The following TMCC1 variants were observed in gnomAD, a reference collection of about 807,000 sequenced individuals.
TMCC1 encodes the protein transmembrane and coiled-coil domains protein 1.
Under a neutral mutation model 52.4 loss-of-function variants are expected in TMCC1, and 15 were observed. The observed-to-expected ratio is 0.29, with a 90% CI of 0.19 to 0.44. TMCC1 has a LOEUF of 0.44. TMCC1 is among the 20% of genes least tolerant of loss of function. The pLI, the probability that TMCC1 is intolerant of heterozygous loss-of-function variation, is 1.00. For missense variants in TMCC1, 503 were observed against 806.0 expected (o/e 0.62, Z 4.55); for synonymous variants, 279 against 301.9 (o/e 0.92, Z 0.79).
intron 4 of TMCC1, among the ~76,000 whole-genome samples, chr3:129,741,435 AT>A (rs2051449240): frequency 1.3e-5 from 2 of 152,158 alleles, no homozygotes; most frequent in African/African-American, 4.8e-5. Flanking sequence ...AGTCCTGCAT[AT>A]GTTAGAGCCT....
intron 4 of TMCC1, among the ~76,000 whole-genome samples, chr3:129,744,372 T>G (rs1037870812): frequency 4.0e-5 from 6 of 151,832 alleles, no homozygotes; most frequent in Admixed American, 1.3e-4. Context: ...AGGCTGGTCT[T>G]GAACTCCTGG....
At chr3:129,673,617 A>G (rs1281545810) in intron 4 of TMCC1, among the ~76,000 whole-genome samples, 1 of 152,166 alleles carries the variant, frequency 6.6e-6, no homozygotes, top group African/African-American at 2.4e-5. Context: ...TTGGGAGGCC[A>G]AGGCGGGAGG....
At chr3:129,873,373 GAA>G (rs746434981) in intron 2 of TMCC1, among the ~76,000 whole-genome samples, 1 of 127,094 alleles carries the variant, frequency 7.9e-6, no homozygotes, top group Non-Finnish European at 1.7e-5. Context: ...CTATGCAGCT[GAA>G]AAAAAAAAAA....
rs558507808 is a variant in TMCC1 at position 129,845,868 on chromosome 3, C to T, written c.-183-13042G>A. On this transcript the variant is annotated intron_variant, in intron 2 of 6. Coordinates refer to ENST00000393238, the MANE Select transcript of TMCC1 (RefSeq NM_001017395.5). ...GCAACACAGGGAGACCCTGTCTCTA[C>T]AAAAAAAAATTTTTAAGTGGCCAGA... Among the ~76,000 whole-genome samples, 10 of 151,276 alleles carry T rather than the reference C, an allele frequency of 6.6e-5. No individual in the cohort carries two copies. The South Asian group carries it at 2.1e-3, about 32-fold the overall frequency.
intron 4 of TMCC1, among the ~76,000 whole-genome samples, chr3:129,802,229 C>G (rs1371341711): frequency 6.6e-6 from 1 of 152,202 alleles, no homozygotes; most frequent in Non-Finnish European, 1.5e-5. Flanking sequence ...TGTTTGTAGA[C>G]ATGGGCCTCA....
At chr3:129,728,100 T>C (rs778417545) in intron 4 of TMCC1, among the ~76,000 whole-genome samples, 3 of 152,200 alleles carry the variant, frequency 2.0e-5, no homozygotes, top group Non-Finnish European at 4.4e-5. Flanking sequence ...TACTAATTTA[T>C]TGAATAATTC....
chr3:129,749,999 ATTATAATGAAAT>A (rs1251565679), intron 4 of TMCC1, among the ~76,000 whole-genome samples: 2 of 152,248 alleles, frequency 1.3e-5, no homozygotes, highest in Non-Finnish European at 2.9e-5. Context: ...CATGTACTGC[ATTATAATGAAAT>A]TATATGCATA....
chr3:129,773,621 C>T (rs2054793903), intron 4 of TMCC1, among the ~76,000 whole-genome samples: 1 of 152,162 alleles, frequency 6.6e-6, no homozygotes, highest in African/African-American at 2.4e-5. Flanking sequence ...ATTAACAACA[C>T]AGACAGAATT....
At chr3:129,716,269 T>C (rs1299126493) in intron 4 of TMCC1, among the ~76,000 whole-genome samples, 1 of 147,964 alleles carries the variant, frequency 6.8e-6, no homozygotes, top group East Asian at 2.0e-4. Context: ...TTCAAGCGAG[T>C]CTCCTGCCTC....
rs1487966746 is a variant in TMCC1, at chr3:129,734,252, T to C, written c.577-62988A>G. Among the ~76,000 whole-genome samples the C allele has an allele frequency of 3.9e-5, 6 of 152,322 alleles. No homozygotes were observed. The East Asian group carries it at 1.2e-3, about 29-fold the overall frequency. On this transcript the variant is annotated intron_variant, in intron 4 of 6. Coordinates refer to ENST00000393238, the MANE Select transcript of TMCC1 (RefSeq NM_001017395.5). Reference sequence around the variant, plus strand: ...ATACAACAAGTAGATCAGAACTATATGTTATCAGTGTAAATAATTTCAAAA... The same window carrying C: ...ATACAACAAGTAGATCAGAACTATACGTTATCAGTGTAAATAATTTCAAAA...
intron 4 of TMCC1, among the ~76,000 whole-genome samples, chr3:129,804,545 A>G (rs968446658): frequency 6.6e-6 from 1 of 152,194 alleles, no homozygotes; most frequent in African/African-American, 2.4e-5. Context: ...CTACTAACCT[A>G]AGGAAACACA....
Position 129,880,399 on chromosome 3 carries a change from TAAAAAGACA to T in TMCC1, c.-283_-275del, listed in dbSNP as rs2061407263. The T allele has an allele frequency of 6.6e-6, 1 of 152,118 alleles. No individual in the cohort carries two copies. The highest frequency in any genetic ancestry group is 2.4e-5 in the African/African-American group (1 of 41,424). The allele number at this position is 152,118 out of a possible 1,614,324, so 9.4% of individuals were successfully genotyped here. ...AAAGGTTTCCCAAAAAGTTATTTTTTAAAAAGACATAGAAACAGAAGATCCATATGAAAA... is the reference window on the plus strand; with the variant it reads ...AAAGGTTTCCCAAAAAGTTATTTTTTTAGAAACAGAAGATCCATATGAAAA... On this transcript the variant is annotated 5_prime_UTR_variant, in exon 2 of 7. The change abolishes an upstream ATG in the 5' untranslated region. Transcript: ENST00000393238.
chr3:129,866,331 CATA>C, intron 2 of TMCC1, among the ~76,000 whole-genome samples: 1 of 137,726 alleles, frequency 7.3e-6, no homozygotes, highest in African/African-American at 2.7e-5. Flanking sequence ...TACATATATA[CATA>C]ATATATATTA....
chr3:129,726,886 A>G (rs1301868523), intron 4 of TMCC1, among the ~76,000 whole-genome samples: 1 of 141,904 alleles, frequency 7.0e-6, no homozygotes, highest in Non-Finnish European at 1.6e-5. Flanking sequence ...AAAAAAAAAA[A>G]AAAAAAAAAA....
intron 4 of TMCC1, among the ~76,000 whole-genome samples, chr3:129,751,442 A>G (rs566337943): frequency 6.6e-6 from 1 of 151,880 alleles, no homozygotes; most frequent in South Asian, 2.1e-4. Context: ...AGATGGGAGG[A>G]TCCCTTGAGC....
At chr3:129,843,821 ACT>A (rs1431571722) in intron 2 of TMCC1, among the ~76,000 whole-genome samples, 7 of 150,676 alleles carry the variant, frequency 4.6e-5, no homozygotes, top group African/African-American at 9.7e-5. Context: ...TAACAATTCT[ACT>A]CTCTCTTGCA....
chr3:129,875,514 A>AC (rs1244434570), intron 2 of TMCC1, among the ~76,000 whole-genome samples: 2 of 150,228 alleles, frequency 1.3e-5, no homozygotes, highest in Non-Finnish European at 3.0e-5. Flanking sequence ...AAAAAAAAAA[A>AC]AACAACACAA....
At chr3:129,761,659 T>TA (rs1290522951) in intron 4 of TMCC1, among the ~76,000 whole-genome samples, 1 of 152,140 alleles carries the variant, frequency 6.6e-6, no homozygotes, top group East Asian at 1.9e-4. Context: ...ACTTTATTCT[T>TA]AGATTAACAA....
chr3:129,763,225 A>C (rs1333994967), intron 4 of TMCC1, among the ~76,000 whole-genome samples: 1 of 144,994 alleles, frequency 6.9e-6, no homozygotes, highest in African/African-American at 2.6e-5. Flanking sequence ...TAAATAAATA[A>C]ATAAATAAAT....
Sources: gnomAD v4.1 joint callset for allele counts (sites outside exome capture counted in the v4.1 genomes callset) on GRCh38, gnomAD v4.1.1 for gene constraint, MANE v1.5 for transcripts, NCBI Gene and HGNC (gene_info 2026-07-23, HGNC 2026-07-21) for gene names.